The following ULK4 variants were observed in gnomAD, a reference collection of about 807,000 sequenced individuals.
The protein encoded by ULK4 is unc-51 like kinase 4, also known as inactive serine/threonine-protein kinase ULK4.
ULK4 carries 133 observed loss-of-function variants against 160.6 expected under a neutral mutation model. The observed-to-expected ratio is 0.83, with a 90% CI of 0.72 to 0.96. ULK4 has a LOEUF of 0.96. Ranked by LOEUF, ULK4 falls within the 40% of genes least tolerant of loss-of-function variation. The probability of loss-of-function intolerance (pLI) is 0.00; values close to 1 mark genes in which losing one functional copy is unlikely to be tolerated. For missense variants in ULK4, 1,580 were observed against 1,499.5 expected (o/e 1.05, Z -0.89); for synonymous variants, 534 against 539.8 (o/e 0.99, Z 0.15).
intron 23 of ULK4, among the ~76,000 whole-genome samples, chr3:41,716,137 TG>T (rs1013728321): frequency 2.0e-5 from 3 of 150,822 alleles, no homozygotes; most frequent in Non-Finnish European, 3.0e-5. Context: ...CACTTGAATC[TG>T]GGAGGTGAAG....
At chr3:41,665,454 A>T (rs2035322402) in intron 29 of ULK4, among the ~76,000 whole-genome samples, 1 of 152,180 alleles carries the variant, frequency 6.6e-6, no homozygotes, top group East Asian at 1.9e-4. Context: ...CCCACTACAC[A>T]CCATAATGTT....
chr3:41,754,509 AT>A, intron 21 of ULK4, 21 bp from the exon 22 acceptor site: 3 of 1,601,580 alleles, frequency 1.9e-6, no homozygotes, highest in African/African-American at 2.7e-5. Flanking sequence ...CATTTAAACA[AT>A]TTTTTGAGAG....
At chr3:41,366,049 A>G (rs1280471290) in intron 35 of ULK4, among the ~76,000 whole-genome samples, 2 of 152,204 alleles carry the variant, frequency 1.3e-5, no homozygotes, top group Non-Finnish European at 2.9e-5. Context: ...CAATCCACAA[A>G]GACAGGACAG....
intron 31 of ULK4, among the ~76,000 whole-genome samples, chr3:41,590,508 C>T (rs1191572255): frequency 2.1e-5 from 3 of 144,952 alleles, no homozygotes; most frequent in Non-Finnish European, 4.5e-5. Context: ...TGGTGGTGTA[C>T]GCCTGTAGTT....
intron 31 of ULK4, among the ~76,000 whole-genome samples, chr3:41,583,524 A>T (rs532068694): frequency 4.6e-5 from 7 of 152,272 alleles, no homozygotes; most frequent in Non-Finnish European, 8.8e-5. Flanking sequence ...TTATAGTCTC[A>T]CTCAACAGTA....
intron 34 of ULK4, among the ~76,000 whole-genome samples, chr3:41,434,880 C>T (rs2082998181): frequency 6.6e-6 from 1 of 152,058 alleles, no homozygotes; most frequent in Non-Finnish European, 1.5e-5. Flanking sequence ...AAGTTTAGTA[C>T]TTAGTCAATT....
chr3:41,854,747 T>C (rs765062616), intron 17 of ULK4: 5 of 152,002 alleles, frequency 3.3e-5, no homozygotes, highest in Admixed American at 1.3e-4. Flanking sequence ...AAAGTGGCCA[T>C]AGTTCCAAAA....
intron 2 of ULK4, among the ~76,000 whole-genome samples, chr3:41,953,449 T>A (rs1700371599): frequency 6.6e-6 from 1 of 151,578 alleles, no homozygotes. Flanking sequence ...ATTACAGGTG[T>A]GCACTACCAC....
intron 13 of ULK4, chr3:41,899,106 G>GT (rs1698265423): frequency 6.6e-6 from 1 of 152,276 alleles, no homozygotes; most frequent in South Asian, 2.1e-4. Flanking sequence ...ATGGTTAATG[G>GT]TTATATCAGA....
At chr3:41,720,229 C>A (rs1204491487) in intron 22 of ULK4, among the ~76,000 whole-genome samples, 1 of 152,150 alleles carries the variant, frequency 6.6e-6, no homozygotes, top group African/African-American at 2.4e-5. Flanking sequence ...TCCACTTCTG[C>A]GCACAGTTCT....
chr3:41,771,430 T>C (rs1205163473), intron 21 of ULK4, among the ~76,000 whole-genome samples: 2 of 152,184 alleles, frequency 1.3e-5, no homozygotes, highest in Non-Finnish European at 2.9e-5. Context: ...TTACAAATGA[T>C]GGCAAAACTC....
At chr3:41,621,481 C>T (rs571673073) in intron 30 of ULK4, among the ~76,000 whole-genome samples, 1 of 152,292 alleles carries the variant, frequency 6.6e-6, no homozygotes, top group African/African-American at 2.4e-5. Context: ...ACCATCTGAT[C>T]TTCAACAAAC....
intron 30 of ULK4, among the ~76,000 whole-genome samples, chr3:41,619,889 G>C (rs1006432820): frequency 8.6e-5 from 13 of 151,714 alleles, no homozygotes; most frequent in Non-Finnish European, 1.0e-4. Context: ...AATAAAAAGA[G>C]AGAAGAATCA....
At chr3:41,416,021 GA>G (rs1473676095) in intron 34 of ULK4, among the ~76,000 whole-genome samples, 1 of 152,208 alleles carries the variant, frequency 6.6e-6, no homozygotes, top group African/African-American at 2.4e-5. Flanking sequence ...TCCCCTCTAG[GA>G]AAAAATGTGG....
At chr3:41,295,483 G>A (rs2079651338) in intron 35 of ULK4, among the ~76,000 whole-genome samples, 1 of 133,100 alleles carries the variant, frequency 7.5e-6, no homozygotes, top group Admixed American at 7.3e-5. Context: ...GCTGGGTTTT[G>A]TTAAAACTTA....
chr3:41,407,212 G>GAACAAC (rs920753207), intron 34 of ULK4, among the ~76,000 whole-genome samples: 1 of 151,876 alleles, frequency 6.6e-6, no homozygotes, highest in Non-Finnish European at 1.5e-5. Flanking sequence ...TCCTACAAAA[G>GAACAAC]AACAACAACA....
At chr3:41,747,768 C>T (rs1382429235) in intron 22 of ULK4, among the ~76,000 whole-genome samples, 12 of 152,158 alleles carry the variant, frequency 7.9e-5, no homozygotes, top group Non-Finnish European at 7.4e-5. Context: ...CATGCGAGGA[C>T]ACAGGAAGAA....
At chr3:41,791,481 G>A (rs2040149106) in intron 20 of ULK4, among the ~76,000 whole-genome samples, 1 of 152,168 alleles carries the variant, frequency 6.6e-6, no homozygotes, top group African/African-American at 2.4e-5. Flanking sequence ...GAAAGGAAAA[G>A]GTAAATATAA....
At chr3:41,858,099 T>C (rs1432650343) in intron 17 of ULK4, among the ~76,000 whole-genome samples, 8 of 151,454 alleles carry the variant, frequency 5.3e-5, no homozygotes, top group Non-Finnish European at 1.0e-4. Context: ...GCTATAAAAT[T>C]ACCTCTGAGT....
Sources: allele counts gnomAD v4.1 joint callset (sites outside exome capture counted in the v4.1 genomes callset), GRCh38; gene constraint gnomAD v4.1.1; transcripts MANE v1.5; gene names NCBI Gene and HGNC (gene_info 2026-07-23, HGNC 2026-07-21).